Variants in CPNE2 observed in about 807,000 individuals in gnomAD.
CPNE2 encodes copine-2.
A neutral mutation model predicts 69.7 loss-of-function variants in CPNE2; 42 were observed. That is an observed-to-expected ratio of 0.60 (90% CI 0.47 to 0.78). The LOEUF (loss-of-function observed/expected upper bound fraction) is 0.78, where lower values mean the gene tolerates loss of function less well. Ranked by LOEUF, CPNE2 falls within the 30% of genes least tolerant of loss-of-function variation. CPNE2 has a pLI of 0.00. For synonymous variants in CPNE2, 294 were observed against 289.8 expected, an observed-to-expected ratio of 1.01 and a Z score of -0.15; for missense variants, 587 against 732.0, an observed-to-expected ratio of 0.80 and a Z score of 2.29.
At position 57,104,985 on chromosome 16, in the gene CPNE2, G is replaced by A. The variant is rs55988911; in HGVS notation, c.-35-5723G>A. 8.7e-3 allele frequency among the ~76,000 whole-genome samples: 1,332 copies of A among 152,282 alleles called. 18 individuals carry two copies. The highest frequency in any genetic ancestry group is 0.031 in the African/African-American group (1,283 of 41,556). On this transcript the variant is annotated intron_variant, in intron 1 of 15. Transcript: ENST00000290776. ...GGCAGGGTCCTGTCATCCTGGGCAC[G>A]ATTTGGGGTTTGTGTGACCTGGATG...
chr16:57,096,948 G>A (rs1005728707), intron 1 of CPNE2, among the ~76,000 whole-genome samples: 1 of 151,974 alleles, frequency 6.6e-6, no homozygotes, highest in Non-Finnish European at 1.5e-5. Context: ...TACACATGCT[G>A]GGGAACAGGT....
Position 57,147,841 on chromosome 16 carries a change from T to C in CPNE2, c.*183T>C. 2.3e-6 allele frequency: 1 copy of C among 436,518 alleles called. No individual in the cohort carries two copies. The highest frequency in any genetic ancestry group is 6.6e-5 in the South Asian group (1 of 15,102). 27.0% of individuals were successfully genotyped at this position (436,518 alleles called of 1,614,324 possible). ...GGGCTTCCTTTGTTGGAGTCAACTG[T>C]TGATGCTTCCAGGCCAAACTGGCTT... On this transcript the variant is annotated 3_prime_UTR_variant, in exon 16 of 16. Transcript: ENST00000290776.
At chr16:57,093,648 T>A (rs2069559341) in intron 1 of CPNE2, among the ~76,000 whole-genome samples, 1 of 152,124 alleles carries the variant, frequency 6.6e-6, no homozygotes, top group African/African-American at 2.4e-5. Flanking sequence ...TCATCTTGCA[T>A]CTGAATCCCC....
intron 5 of CPNE2, among the ~76,000 whole-genome samples, chr16:57,118,688 G>GGATGGATGGATGGATGGATA (rs370387684): frequency 6.6e-6 from 1 of 150,918 alleles, no homozygotes; most frequent in Non-Finnish European, 1.5e-5. Flanking sequence ...ATGGATGGAT[G>GGATGGATGGATGGATGGATA]GATAGATAGA....
In CPNE2 at chr16:57,147,770, A is replaced by AT; in HGVS notation, c.*118dup. 1.6e-6 allele frequency: 1 copy of AT among 615,218 alleles called. No individual in the cohort carries two copies. Among genetic ancestry groups the AT allele is most frequent in the Non-Finnish European group, 2.5e-6 (1 of 398,064 alleles). 38.1% of individuals were successfully genotyped at this position (615,218 alleles called of 1,614,324 possible). On this transcript the variant is annotated 3_prime_UTR_variant, in exon 16 of 16. Transcript: ENST00000290776. ...CCTTTTTTTACCGATCCCCTTTTTT[A>AT]TTTTTTACAACCGGACCTCCACCCC...
At chr16:57,116,010 G>C (rs1196586308) in intron 4 of CPNE2, among the ~76,000 whole-genome samples, 1 of 152,246 alleles carries the variant, frequency 6.6e-6, no homozygotes, top group Non-Finnish European at 1.5e-5. Flanking sequence ...AGTTCCCTGG[G>C]GCAGCTGAGC....
intron 13 of CPNE2, 88 bp from the exon 14 acceptor site, chr16:57,137,061 C>G (rs1000045987): frequency 3.9e-6 from 6 of 1,534,748 alleles, no homozygotes; most frequent in Non-Finnish European, 5.3e-6. Context: ...TTTGGGTAAG[C>G]ATGAAATAGA....
At chr16:57,119,146 AC>A in intron 5 of CPNE2, 48 bp from the exon 6 acceptor site, 1 of 1,548,884 alleles carries the variant, frequency 6.5e-7, no homozygotes, top group Non-Finnish European at 8.9e-7. Flanking sequence ...ATCTGCCTGA[AC>A]CTAGCAGGGC....
intron 1 of CPNE2, chr16:57,094,058 T>C: frequency 2.2e-6 from 1 of 456,558 alleles, no homozygotes; most frequent in Non-Finnish European, 4.4e-6. Context: ...CATGAAGGCG[T>C]GGTTTTATGG....
chr16:57,101,367 A>G (rs1052949664), intron 1 of CPNE2, among the ~76,000 whole-genome samples: 1 of 152,146 alleles, frequency 6.6e-6, no homozygotes, highest in African/African-American at 2.4e-5. Flanking sequence ...GGCAATTTAG[A>G]CCTGGATGCA....
At chr16:57,128,769 T>C (rs75320780) in intron 12 of CPNE2, among the ~76,000 whole-genome samples, 7,934 of 152,288 alleles carry the variant, frequency 0.052, 392 homozygotes, top group South Asian at 0.15. Context: ...TCTCGCTGTG[T>C]GGAGTCCTCA....
At chr16:57,143,810 C>T (rs2069938731) in intron 14 of CPNE2, 1 of 152,298 alleles carries the variant, frequency 6.6e-6, no homozygotes, top group Non-Finnish European at 1.5e-5. Context: ...CCACGCATCT[C>T]CTAGGCACGG....
intron 8 of CPNE2, 77 bp from the exon 9 acceptor site, chr16:57,121,597 G>A (rs989528765): frequency 9.9e-6 from 14 of 1,408,384 alleles, no homozygotes; most frequent in Non-Finnish European, 1.3e-5. Flanking sequence ...CCTGTGGAAG[G>A]GATTCTAGGG....
intron 1 of CPNE2, among the ~76,000 whole-genome samples, chr16:57,099,275 C>T (rs1454251416): frequency 1.3e-5 from 2 of 152,206 alleles, no homozygotes; most frequent in Non-Finnish European, 1.5e-5. Flanking sequence ...TTATTGCTAC[C>T]TGTGTTCTTC....
chr16:57,093,857 C>G (rs761541841), intron 1 of CPNE2: 4 of 339,594 alleles, frequency 1.2e-5, no homozygotes, highest in African/African-American at 8.8e-5. Context: ...AGGAAACAGG[C>G]GGTGTGCGCA....
At chr16:57,134,075 C>T (rs553421105) in intron 12 of CPNE2, among the ~76,000 whole-genome samples, 25 of 152,196 alleles carry the variant, frequency 1.6e-4, no homozygotes, top group Non-Finnish European at 2.2e-4. Context: ...TTCTATACCC[C>T]GAAGCCATGC....
intron 12 of CPNE2, among the ~76,000 whole-genome samples, chr16:57,134,217 T>C (rs1406871180): frequency 2.0e-5 from 3 of 152,268 alleles, no homozygotes; most frequent in Admixed American, 2.0e-4. Flanking sequence ...GAGCCTATGA[T>C]AGCCCCATCT....
At chr16:57,095,224 A>C (rs2069571023) in intron 1 of CPNE2, among the ~76,000 whole-genome samples, 1 of 152,110 alleles carries the variant, frequency 6.6e-6, no homozygotes. Flanking sequence ...TCACCCTGTG[A>C]TCTTGGCAGG....
intron 9 of CPNE2, 112 bp from the exon 10 acceptor site, chr16:57,123,302 C>A: frequency 1.8e-6 from 2 of 1,102,360 alleles, no homozygotes; most frequent in Non-Finnish European, 2.7e-6. Context: ...GGCCCATCAG[C>A]TTTTTTTGAC....
Sources: allele counts gnomAD v4.1 joint callset (sites outside exome capture counted in the v4.1 genomes callset), GRCh38; gene constraint gnomAD v4.1.1; transcripts MANE v1.5; gene names NCBI Gene and HGNC (gene_info 2026-07-23, HGNC 2026-07-21).